LCP2: variants seen among roughly 807,000 people sequenced by gnomAD.
LCP2 encodes lymphocyte cytosolic protein 2, also known as 76 kDa tyrosine phosphoprotein.
LCP2 carries 29 observed loss-of-function variants against 74.5 expected under a neutral mutation model. That is an observed-to-expected ratio of 0.39 (90% CI 0.29 to 0.53). The LOEUF (loss-of-function observed/expected upper bound fraction) is 0.53. Among genes scored for constraint, LCP2 ranks in the 20% least tolerant of loss-of-function variants. The pLI, the probability that LCP2 is intolerant of heterozygous loss-of-function variation, is 0.72. For synonymous variants in LCP2, 228 were observed against 229.5 expected, an observed-to-expected ratio of 0.99 and a Z score of 0.06; for missense variants, 604 against 634.6, an observed-to-expected ratio of 0.95 and a Z score of 0.52.
At chr5:170,262,076 T>C (rs1465164694) in intron 13 of LCP2, among the ~76,000 whole-genome samples, 2 of 152,142 alleles carry the variant, frequency 1.3e-5, no homozygotes, top group Non-Finnish European at 2.9e-5. Context: ...GAAGCTTTGG[T>C]TGTATTCTTT....
intron 3 of LCP2, among the ~76,000 whole-genome samples, chr5:170,282,669 C>A (rs1307825163): frequency 6.6e-6 from 1 of 152,200 alleles, no homozygotes; most frequent in Admixed American, 6.5e-5. Flanking sequence ...TTATTCAGTG[C>A]ATATTGTTAT....
chr5:170,283,936 T>C (rs981177244), intron 3 of LCP2, among the ~76,000 whole-genome samples: 1 of 152,220 alleles, frequency 6.6e-6, no homozygotes, highest in African/African-American at 2.4e-5. Context: ...CGCTTGAACT[T>C]GTGCATGCAT....
At chr5:170,272,008 G>T (rs1203075127) in intron 6 of LCP2, among the ~76,000 whole-genome samples, 2 of 152,182 alleles carry the variant, frequency 1.3e-5, no homozygotes, top group Non-Finnish European at 2.9e-5. Flanking sequence ...TCCAAAAAAA[G>T]ACTTTGTCCT....
intron 20 of LCP2, among the ~76,000 whole-genome samples, chr5:170,249,033 A>C (rs1214516879): frequency 6.6e-6 from 1 of 152,196 alleles, no homozygotes; most frequent in Non-Finnish European, 1.5e-5. Context: ...GATAAAGATA[A>C]AATATGGGCC....
intron 3 of LCP2, among the ~76,000 whole-genome samples, chr5:170,276,528 C>A (rs998690583): frequency 1.3e-5 from 2 of 152,038 alleles, no homozygotes; most frequent in African/African-American, 4.8e-5. Context: ...CAGCTTTGAC[C>A]AAGACACTTG....
chr5:170,279,637 C>A (rs545546831), intron 3 of LCP2, among the ~76,000 whole-genome samples: 2 of 152,164 alleles, frequency 1.3e-5, no homozygotes, highest in Non-Finnish European at 2.9e-5. Flanking sequence ...CCGGCCCCCA[C>A]GTGATTTTTA....
intron 4 of LCP2, 77 bp from the exon 5 acceptor site, chr5:170,275,428 C>A (rs376041647): frequency 5.3e-6 from 8 of 1,516,124 alleles, no homozygotes; most frequent in Non-Finnish European, 7.3e-6. Flanking sequence ...CCTGGTCCAG[C>A]GAGAGGGAGT....
chr5:170,261,062 C>A (rs1032614781), intron 14 of LCP2, 45 bp downstream of exon 14: 28 of 1,482,792 alleles, frequency 1.9e-5, no homozygotes, highest in Non-Finnish European at 2.5e-5. Flanking sequence ...GCCTATGCTT[C>A]TTTTCCCTGT....
chr5:170,254,719 T>C (rs765103121), intron 17 of LCP2, among the ~76,000 whole-genome samples: 4 of 152,202 alleles, frequency 2.6e-5, no homozygotes, highest in Non-Finnish European at 5.9e-5. Flanking sequence ...AAGAAATGAT[T>C]CTCTTTCTGC....
chr5:170,251,030 C>T (rs1056884897), intron 19 of LCP2, 145 bp from the exon 20 acceptor site: 12 of 610,616 alleles, frequency 2.0e-5, no homozygotes, highest in African/African-American at 1.1e-4. Context: ...TGTCATTCAA[C>T]GAACATTCAG....
intron 1 of LCP2, among the ~76,000 whole-genome samples, chr5:170,294,049 C>T (rs564355589): frequency 6.6e-6 from 1 of 152,314 alleles, no homozygotes; most frequent in African/African-American, 2.4e-5. Context: ...TTAACCCTCA[C>T]ATTTTGCAGA....
intron 14 of LCP2, 69 bp from the exon 15 acceptor site, chr5:170,258,947 A>G: frequency 1.9e-6 from 2 of 1,063,812 alleles, no homozygotes; most frequent in East Asian, 2.6e-5. Flanking sequence ...TAAAAACTGC[A>G]TTTCTCAATC....
intron 2 of LCP2, among the ~76,000 whole-genome samples, chr5:170,289,758 CT>C (rs33981922): frequency 7.3e-5 from 9 of 123,276 alleles, no homozygotes; most frequent in South Asian, 5.3e-4. Context: ...TTTTCTTTCT[CT>C]TTTTTTTTTT....
intron 1 of LCP2, among the ~76,000 whole-genome samples, chr5:170,296,475 T>C (rs1250884641): frequency 6.6e-6 from 1 of 152,194 alleles, no homozygotes; most frequent in Non-Finnish European, 1.5e-5. Flanking sequence ...CTCTTGAATC[T>C]CAATTTCCCC....
chr5:170,270,852 G>C lies in LCP2; in HGVS notation c.390C>G (p.Ser130=). The C allele has an allele frequency of 6.2e-7, 1 of 1,612,138 alleles. No homozygotes were observed. The highest frequency in any genetic ancestry group is 8.5e-7 in the Non-Finnish European group (1 of 1,179,066). ...QDGEDDGDYE[S]PNEEEEAPVE... is the part of the protein sequence containing the mutation. ...CGGGTGCCTCTTCCTCCTCATTGGG[G>C]GACTCATAGTCTCCATCATCCTCCC... Residue 130 remains serine, a synonymous_variant, in exon 7 of 21, where the codon TCC becomes TCG. Transcript: ENST00000046794.
At chr5:170,294,151 C>T (rs1762333703) in intron 1 of LCP2, among the ~76,000 whole-genome samples, 1 of 152,174 alleles carries the variant, frequency 6.6e-6, no homozygotes, top group Non-Finnish European at 1.5e-5. Flanking sequence ...ATGTCTCTTT[C>T]AGAAATATTC....
intron 2 of LCP2, among the ~76,000 whole-genome samples, chr5:170,290,988 GAAAGAAAGAA>G (rs1762283228): frequency 4.4e-5 from 4 of 90,210 alleles, no homozygotes; most frequent in Non-Finnish European, 9.4e-5. Flanking sequence ...AAGAAAGAAA[GAAAGAAAGAA>G]AGAGAGAAAG....
chr5:170,259,974 C>G (rs370142114), intron 14 of LCP2, among the ~76,000 whole-genome samples: 1 of 152,218 alleles, frequency 6.6e-6, no homozygotes, highest in African/African-American at 2.4e-5. Flanking sequence ...CACTGTCCAG[C>G]CTTACCTCTG....
intron 20 of LCP2, among the ~76,000 whole-genome samples, chr5:170,249,291 G>A (rs4867952): frequency 0.11 from 17,287 of 150,708 alleles, 1,080 homozygotes; most frequent in African/African-American, 0.12. Context: ...CGCCATTGCC[G>A]CACTCCAGCC....
Sources: gnomAD v4.1 joint callset for allele counts (sites outside exome capture counted in the v4.1 genomes callset) on GRCh38, gnomAD v4.1.1 for gene constraint, MANE v1.5 for transcripts, NCBI Gene and HGNC (gene_info 2026-07-23, HGNC 2026-07-21) for gene names.